Variants in ARHGAP20 observed in about 807,000 individuals in gnomAD.
ARHGAP20 encodes rho GTPase-activating protein 20.
ARHGAP20 carries 34 observed loss-of-function variants against 73.7 expected under a neutral mutation model. The ratio of observed to expected loss-of-function variants is 0.46; its 90% CI spans 0.35 to 0.61. ARHGAP20 has a LOEUF of 0.61. Ranked by LOEUF, ARHGAP20 falls within the 20% of genes least tolerant of loss-of-function variation. The pLI, the probability that ARHGAP20 is intolerant of heterozygous loss-of-function variation, is 0.00. For missense variants in ARHGAP20, 1,314 were observed against 1,420.9 expected (o/e 0.92, Z 1.21); for synonymous variants, 523 against 518.2 (o/e 1.01, Z -0.13).
In ARHGAP20 at chr11:110,611,363, A is replaced by G. The variant is rs1177869198; in HGVS notation, c.654T>C (p.Asn218=). The G allele has an allele frequency of 1.3e-6, 2 of 1,558,670 alleles. No individual in the cohort carries two copies. The highest frequency in any genetic ancestry group is 2.3e-5 in the East Asian group (1 of 42,586). ...TGATAACTTCATTCGCTGTATCTGA[A>G]TTCATTACTGTTATAGTTTTAGACT... ...CAYSKTITVM[N]SDTANEVINM... Residue 218 remains asparagine (N), a synonymous_variant, in exon 7 of 15, where the codon AAT becomes AAC. Coordinates refer to ENST00000683387, the MANE Select transcript of ARHGAP20 (RefSeq NM_001384657.1).
In ARHGAP20 at chr11:110,611,296, C is replaced by T; in HGVS notation, c.708+13G>A. The T allele has an allele frequency of 6.8e-7, 1 of 1,475,502 alleles. No homozygotes were observed. Among genetic ancestry groups the T allele is most frequent in the Non-Finnish European group, 9.2e-7 (1 of 1,086,462 alleles). The allele number at this position is 1,475,502 out of a possible 1,614,324, so 91.4% of individuals were successfully genotyped here. On this transcript the variant is annotated intron_variant, in intron 7 of 14. Coordinates refer to ENST00000683387, the MANE Select transcript of ARHGAP20 (RefSeq NM_001384657.1). ...TTTATTTTTAATTAAGAATGTCTAG[C>T]AGAATAACTTACAGTTATCCCTAGC... is the stretch of plus-strand genomic sequence containing the variant.
At chr11:110,695,252 G>A (rs949223692) in intron 1 of ARHGAP20, among the ~76,000 whole-genome samples, 1 of 151,470 alleles carries the variant, frequency 6.6e-6, no homozygotes, top group East Asian at 1.9e-4. Context: ...GGAAACACAG[G>A]CATAATTTTG....
chr11:110,648,484 A>ATT lies in ARHGAP20; in HGVS notation c.189-17694_189-17693dup, dbSNP rs34339794. Among the ~76,000 whole-genome samples, 563 of 131,474 alleles carry ATT rather than the reference A, an allele frequency of 4.3e-3. 2 individuals carry two copies. The highest frequency in any genetic ancestry group is 0.02 in the Middle Eastern group (5 of 252). 86.3% of individuals were successfully genotyped at this position (131,474 alleles called of 152,430 possible). A position where few individuals can be genotyped will look rare whatever the true frequency, so the allele number is the denominator to read the frequency against. ...TCATAAGTTCCACACCATAACATGA[A>ATT]TTTTTTTTTTTTTTTTTTGAGACAG... On this transcript the variant is annotated intron_variant, in intron 2 of 14. Transcript: ENST00000683387.
intron 2 of ARHGAP20, among the ~76,000 whole-genome samples, chr11:110,669,172 C>A (rs1949781044): frequency 6.6e-6 from 1 of 152,034 alleles, no homozygotes; most frequent in African/African-American, 2.4e-5. Context: ...GAGAGAAAGG[C>A]AAGTTATATA....
chr11:110,700,686 CCA>C (rs900857867), intron 1 of ARHGAP20, among the ~76,000 whole-genome samples: 2 of 151,144 alleles, frequency 1.3e-5, no homozygotes, highest in African/African-American at 4.9e-5. Flanking sequence ...TATGCTGCAC[CCA>C]CTAACTTGTC....
At chr11:110,679,251 AAACTCCAC>A in intron 2 of ARHGAP20, among the ~76,000 whole-genome samples, 1 of 152,306 alleles carries the variant, frequency 6.6e-6, no homozygotes, top group South Asian at 2.1e-4. Context: ...ATCAAGAAGG[AAACTCCAC>A]CTTTTGTAAC....
At chr11:110,618,638 T>C (rs1418054256) in intron 4 of ARHGAP20, among the ~76,000 whole-genome samples, 2 of 152,016 alleles carry the variant, frequency 1.3e-5, no homozygotes, top group African/African-American at 4.8e-5. Context: ...TATGCAGTGA[T>C]AGCGTATATG....
At position 110,712,322 on chromosome 11, in the gene ARHGAP20, G is replaced by C. The variant is rs1950684583; in HGVS notation, c.-91C>G. On this transcript the variant is annotated 5_prime_UTR_variant, in exon 1 of 15. Transcript: ENST00000683387. ...GCCGGAGGGGCGAGGACGCGCGGGC[G>C]GAGGCGCGGCTGCCGTGCTCAGGCA... 1 of 1,110,706 alleles carries C rather than the reference G, an allele frequency of 9.0e-7. No homozygotes were observed. Among genetic ancestry groups the C allele is most frequent in the Non-Finnish European group, 1.2e-6 (1 of 863,796 alleles). The allele number at this position is 1,110,706 out of a possible 1,614,324, so 68.8% of individuals were successfully genotyped here.
chr11:110,645,505 C>A (rs114905242), intron 2 of ARHGAP20, among the ~76,000 whole-genome samples: 2,772 of 152,244 alleles, frequency 0.018, 80 homozygotes, highest in African/African-American at 0.062. Context: ...AAAGGGAACA[C>A]TTATACACTG....
intron 2 of ARHGAP20, among the ~76,000 whole-genome samples, chr11:110,673,372 ATAGAG>A (rs1301550297): frequency 2.0e-5 from 3 of 152,194 alleles, no homozygotes; most frequent in African/African-American, 7.2e-5. Context: ...AAAACATATA[ATAGAG>A]TACTCATAAA....
At chr11:110,594,343 C>G (rs989956166) in intron 9 of ARHGAP20, among the ~76,000 whole-genome samples, 2 of 152,180 alleles carry the variant, frequency 1.3e-5, no homozygotes, top group African/African-American at 4.8e-5. Context: ...TACTTAACCT[C>G]TTTTCTTTCC....
chr11:110,697,710 C>T (rs1014838780), intron 1 of ARHGAP20, among the ~76,000 whole-genome samples: 4 of 151,608 alleles, frequency 2.6e-5, no homozygotes, highest in African/African-American at 9.7e-5. Context: ...TTTTTGTTGG[C>T]TTTGTTGAAG....
intron 2 of ARHGAP20, among the ~76,000 whole-genome samples, chr11:110,676,496 A>G (rs1949932529): frequency 1.3e-5 from 2 of 152,178 alleles, no homozygotes; most frequent in Admixed American, 6.5e-5. Context: ...TGAAACCATC[A>G]GATCTCATGA....
At chr11:110,582,285 G>A (rs4079590) in intron 14 of ARHGAP20, 36 bp downstream of exon 14, 1,254,697 of 1,511,148 alleles carry the variant, frequency 0.83, 524,765 homozygotes, top group Admixed American at 0.89. Flanking sequence ...CCATGTGTCT[G>A]TTTCTCACAA....
chr11:110,615,499 CTTAA>C, intron 5 of ARHGAP20, 50 bp downstream of exon 5: 1 of 1,527,100 alleles, frequency 6.5e-7, no homozygotes, highest in African/African-American at 1.4e-5. Context: ...CAGAAAAGGT[CTTAA>C]TTCATTTATT....
At chr11:110,679,517 CT>C in intron 2 of ARHGAP20, among the ~76,000 whole-genome samples, 1 of 152,196 alleles carries the variant, frequency 6.6e-6, no homozygotes, top group Admixed American at 6.5e-5. Context: ...GACAGACACA[CT>C]CAGAGATGTT....
intron 9 of ARHGAP20, among the ~76,000 whole-genome samples, chr11:110,604,980 A>C (rs1344380822): frequency 6.6e-6 from 1 of 152,202 alleles, no homozygotes; most frequent in African/African-American, 2.4e-5. Flanking sequence ...TGAAGTGCCC[A>C]TTAAGGTTGG....
At chr11:110,623,402 C>T (rs556728816) in intron 4 of ARHGAP20, among the ~76,000 whole-genome samples, 1 of 152,296 alleles carries the variant, frequency 6.6e-6, no homozygotes, top group South Asian at 2.1e-4. Context: ...CTGAACTGGA[C>T]AGTGCCAATA....
chr11:110,590,732 G>A lies in ARHGAP20; in HGVS notation c.1221C>T (p.Cys407=). The stretch of plus-strand genomic sequence containing the variant: ...AATTCAATTTCTCTTTTAGTTCTCT[G>A]CAGGATTTCACATTGGCTGATTGCC... ...IFRQSANVKS[C]RELKEKLNSG... is the part of the protein sequence containing the mutation. The change falls in exon 11 of 15, where the codon TGC becomes TGT. Residue 407 remains cysteine (C), a synonymous_variant. Transcript: ENST00000683387. 1 of 1,614,052 alleles carries A rather than the reference G, an allele frequency of 6.2e-7. No homozygotes were observed. Among genetic ancestry groups the A allele is most frequent in the Non-Finnish European group, 8.5e-7 (1 of 1,180,010 alleles).
Sources: allele counts gnomAD v4.1 joint callset (sites outside exome capture counted in the v4.1 genomes callset), GRCh38; gene constraint gnomAD v4.1.1; transcripts MANE v1.5; gene names NCBI Gene and HGNC (gene_info 2026-07-23, HGNC 2026-07-21).